SUSD6: variants seen among roughly 807,000 people sequenced by gnomAD.
The protein encoded by SUSD6 is sushi domain-containing protein 6.
Under a neutral mutation model 28.4 loss-of-function variants are expected in SUSD6, and 16 were observed. The ratio of observed to expected loss-of-function variants is 0.56; its 90% CI spans 0.38 to 0.86. The LOEUF (loss-of-function observed/expected upper bound fraction) is 0.86, where lower values mean the gene tolerates loss of function less well. Among genes scored for constraint, SUSD6 ranks in the 40% least tolerant of loss-of-function variants. The pLI is 0.00. For synonymous variants in SUSD6, 147 were observed against 159.6 expected, an observed-to-expected ratio of 0.92 and a Z score of 0.59; for missense variants, 341 against 384.2, an observed-to-expected ratio of 0.89 and a Z score of 0.94.
chr14:69,694,626 T>C (rs1040034120), intron 2 of SUSD6, among the ~76,000 whole-genome samples: 8 of 152,214 alleles, frequency 5.3e-5, no homozygotes. Context: ...GACTAAGGAC[T>C]TTAGAGGCTT....
intron 2 of SUSD6, among the ~76,000 whole-genome samples, chr14:69,675,030 T>G (rs1178843076): frequency 1.3e-5 from 2 of 152,154 alleles, no homozygotes; most frequent in Non-Finnish European, 2.9e-5. Context: ...CTGACTCTGT[T>G]TCTCATTTCC....
At chr14:69,660,346 C>G (rs189894987) in intron 2 of SUSD6, among the ~76,000 whole-genome samples, 2 of 152,300 alleles carry the variant, frequency 1.3e-5, no homozygotes, top group Non-Finnish European at 2.9e-5. Flanking sequence ...ATAGATGTGC[C>G]TTTCCTTCCA....
At chr14:69,706,782 G>A (rs994761651) in intron 4 of SUSD6, among the ~76,000 whole-genome samples, 1 of 152,100 alleles carries the variant, frequency 6.6e-6, no homozygotes, top group Non-Finnish European at 1.5e-5. Context: ...TCCTCTCAGA[G>A]TGTATGTAGC....
At chr14:69,664,541 G>A (rs1000383000) in intron 2 of SUSD6, among the ~76,000 whole-genome samples, 1 of 152,142 alleles carries the variant, frequency 6.6e-6, no homozygotes, top group Non-Finnish European at 1.5e-5. Flanking sequence ...TATGGTAGGA[G>A]GCTGGATGGG....
At chr14:69,618,407 A>G (rs1884989674) in intron 1 of SUSD6, among the ~76,000 whole-genome samples, 1 of 152,238 alleles carries the variant, frequency 6.6e-6, no homozygotes, top group African/African-American at 2.4e-5. Flanking sequence ...AGCCTGTACT[A>G]GCACTTGTGA....
chr14:69,711,106 T>C lies in SUSD6; in HGVS notation c.*127T>C. ...ACCTGAGCTGCCACCTGTGTATCTG[T>C]GTATCTCTGAGGGCCCTATAGGCCC... On this transcript the variant is annotated 3_prime_UTR_variant, in exon 6 of 6. Coordinates refer to ENST00000342745, the MANE Select transcript of SUSD6 (RefSeq NM_014734.4). 1 of 947,986 alleles carries C rather than the reference T, an allele frequency of 1.1e-6. No individual in the cohort carries two copies. The highest frequency in any genetic ancestry group is 1.7e-6 in the Non-Finnish European group (1 of 590,650). 58.7% of individuals were successfully genotyped at this position (947,986 alleles called of 1,614,324 possible). A position where few individuals can be genotyped will look rare whatever the true frequency, so the allele number is the denominator to read the frequency against.
intron 1 of SUSD6, among the ~76,000 whole-genome samples, chr14:69,656,162 C>T (rs1424289801): frequency 1.3e-5 from 2 of 151,172 alleles, no homozygotes; most frequent in Non-Finnish European, 3.0e-5. Flanking sequence ...CTCCATTCTT[C>T]CCTCCCTCCC....
At chr14:69,685,605 G>T (rs1886061630) in intron 2 of SUSD6, among the ~76,000 whole-genome samples, 1 of 152,128 alleles carries the variant, frequency 6.6e-6, no homozygotes, top group Admixed American at 6.6e-5. Flanking sequence ...AGAGATTTTG[G>T]AGCCTCGATA....
intron 1 of SUSD6, among the ~76,000 whole-genome samples, chr14:69,633,236 G>A (rs1419326404): frequency 1.3e-5 from 2 of 152,202 alleles, no homozygotes; most frequent in Non-Finnish European, 2.9e-5. Context: ...TCATGGCTGT[G>A]CAAACTGGCC....
At chr14:69,670,708 G>A (rs1885818108) in intron 2 of SUSD6, among the ~76,000 whole-genome samples, 1 of 152,274 alleles carries the variant, frequency 6.6e-6, no homozygotes, top group Non-Finnish European at 1.5e-5. Flanking sequence ...GGGTTGTGGT[G>A]AAGATGAAAT....
intron 2 of SUSD6, among the ~76,000 whole-genome samples, chr14:69,687,550 T>C (rs1226372604): frequency 6.6e-6 from 1 of 152,270 alleles, no homozygotes; most frequent in East Asian, 1.9e-4. Flanking sequence ...GCTCTTAGAC[T>C]GTGAACTTTC....
intron 2 of SUSD6, among the ~76,000 whole-genome samples, chr14:69,667,205 C>T (rs1473791441): frequency 6.6e-6 from 1 of 152,118 alleles, no homozygotes; most frequent in Non-Finnish European, 1.5e-5. Context: ...CTGGTCTAGG[C>T]ACAGAGGGGT....
At chr14:69,688,648 A>T (rs1378131568) in intron 2 of SUSD6, among the ~76,000 whole-genome samples, 1 of 152,212 alleles carries the variant, frequency 6.6e-6, no homozygotes, top group Non-Finnish European at 1.5e-5. Flanking sequence ...CTTGAGAAGC[A>T]TGATGAATCT....
chr14:69,667,463 G>T lies in SUSD6; in HGVS notation c.121+8750G>T, dbSNP rs1431609903. ...GCAATCTCGGCTCACTGCAAGCTCC[G>T]CCTCCTGGGTTCACGCCATTCTCCT... On this transcript the variant is annotated intron_variant, in intron 2 of 5. Coordinates refer to ENST00000342745, the MANE Select transcript of SUSD6 (RefSeq NM_014734.4). 1.8e-4 allele frequency among the ~76,000 whole-genome samples: 25 copies of T among 141,922 alleles called. 1 individual carries two copies. The allele number at this position is 141,922 out of a possible 152,430, so 93.1% of individuals were successfully genotyped here.
At position 69,711,363 on chromosome 14, in the gene SUSD6, A is replaced by C. The variant is rs1594726883; in HGVS notation, c.*384A>C. 2.0e-5 allele frequency: 5 copies of C among 245,492 alleles called. No individual in the cohort carries two copies. Among genetic ancestry groups the C allele is most frequent in the Non-Finnish European group, 2.4e-5 (3 of 124,702 alleles). 15.2% of individuals were successfully genotyped at this position (245,492 alleles called of 1,614,324 possible). On this transcript the variant is annotated 3_prime_UTR_variant, in exon 6 of 6. Coordinates refer to ENST00000342745, the MANE Select transcript of SUSD6 (RefSeq NM_014734.4). Reference sequence around the variant, plus strand: ...CTGTGTTTACTTGTGCCTTTCCCCCACCCTGTCCAGTTTCCCTGTCATGCA... The same window carrying C: ...CTGTGTTTACTTGTGCCTTTCCCCCCCCCTGTCCAGTTTCCCTGTCATGCA...
chr14:69,658,718 G>T lies in SUSD6; in HGVS notation c.121+5G>T. 6.2e-7 allele frequency: 1 copy of T among 1,613,954 alleles called. No individual in the cohort carries two copies. Among genetic ancestry groups the T allele is most frequent in the Non-Finnish European group, 8.5e-7 (1 of 1,179,894 alleles). ...TTGGAGACGGACTTGCTTCCGGTAA[G>T]TCCTGACCTGCCTTCTGTGTGTGGG... On this transcript the variant is annotated splice_donor_5th_base_variant and intron_variant, in intron 2 of 5. Transcript: ENST00000342745.
At chr14:69,707,258 T>A (rs1279110067) in intron 4 of SUSD6, among the ~76,000 whole-genome samples, 1 of 152,182 alleles carries the variant, frequency 6.6e-6, no homozygotes, top group East Asian at 1.9e-4. Flanking sequence ...AAGGATACTC[T>A]TAGGAAGTAT....
In SUSD6 at chr14:69,711,541, G is replaced by T. The variant is rs943364404; in HGVS notation, c.*562G>T. ...TGTGAGAGCTCTTGAGTCAAGAGTG[G>T]CAGAAGTGGCTCTAATTGGGGTGAG... is the stretch of plus-strand genomic sequence containing the variant. On this transcript the variant is annotated 3_prime_UTR_variant, in exon 6 of 6. Coordinates refer to ENST00000342745, the MANE Select transcript of SUSD6 (RefSeq NM_014734.4). 1 of 153,188 alleles carries T rather than the reference G, an allele frequency of 6.5e-6. No homozygotes were observed. Among genetic ancestry groups the T allele is most frequent in the African/African-American group, 2.4e-5 (1 of 41,474 alleles). The allele number at this position is 153,188 out of a possible 1,614,324, so 9.5% of individuals were successfully genotyped here.
rs149153537 is a variant in SUSD6 at position 69,670,411 on chromosome 14, A to G, written c.121+11698A>G. ...CATGCTATAATCAGGAAAGTACTGC[A>G]CTACACAGGAATACTCATTAGGGGG... On this transcript the variant is annotated intron_variant, in intron 2 of 5. Transcript: ENST00000342745. 2.5e-4 allele frequency: 115 copies of G among 456,390 alleles called. No individual in the cohort carries two copies. In the East Asian group the frequency reaches 7.6e-3, roughly 30 times the overall value. 28.3% of individuals were successfully genotyped at this position (456,390 alleles called of 1,614,324 possible).
Sources: allele counts gnomAD v4.1 joint callset (sites outside exome capture counted in the v4.1 genomes callset), GRCh38; gene constraint gnomAD v4.1.1; transcripts MANE v1.5; gene names NCBI Gene and HGNC (gene_info 2026-07-23, HGNC 2026-07-21).